NR3C2: variants seen among roughly 807,000 people sequenced by gnomAD.
NR3C2 encodes the protein mineralocorticoid receptor.
Under a neutral mutation model 86.4 loss-of-function variants are expected in NR3C2, and 15 were observed. The observed-to-expected ratio is 0.17, with a 90% CI of 0.12 to 0.27. The LOEUF (loss-of-function observed/expected upper bound fraction) is 0.27, where lower values mean the gene tolerates loss of function less well. Ranked by LOEUF, NR3C2 falls within the 10% of genes least tolerant of loss-of-function variation. The pLI, the probability that NR3C2 is intolerant of heterozygous loss-of-function variation, is 1.00. For missense variants in NR3C2, 960 were observed against 1,195.6 expected (o/e 0.80, Z 2.91); for synonymous variants, 458 against 450.5 (o/e 1.02, Z -0.21).
intron 2 of NR3C2, among the ~76,000 whole-genome samples, chr4:148,373,635 T>G (rs1271202543): frequency 1.3e-5 from 2 of 151,890 alleles, no homozygotes; most frequent in East Asian, 3.9e-4. Flanking sequence ...CCACCATGCC[T>G]GGCTAATTTT....
intron 2 of NR3C2, among the ~76,000 whole-genome samples, chr4:148,420,417 T>C (rs1231076924): frequency 6.6e-6 from 1 of 152,216 alleles, no homozygotes; most frequent in Non-Finnish European, 1.5e-5. Flanking sequence ...CTAATCATAT[T>C]ACATTCACTT....
intron 2 of NR3C2, among the ~76,000 whole-genome samples, chr4:148,390,562 T>C (rs1394254797): frequency 1.3e-5 from 2 of 152,204 alleles, no homozygotes; most frequent in Non-Finnish European, 2.9e-5. Flanking sequence ...CTACGGGCAC[T>C]GTGTGAATGA....
chr4:148,395,998 C>T (rs1172466787), intron 2 of NR3C2, among the ~76,000 whole-genome samples: 1 of 152,170 alleles, frequency 6.6e-6, no homozygotes, highest in East Asian at 1.9e-4. Flanking sequence ...ACAAAAGCAA[C>T]TAAGCTCCCA....
chr4:148,274,822 T>C (rs929791538), intron 2 of NR3C2, among the ~76,000 whole-genome samples: 3 of 151,392 alleles, frequency 2.0e-5, no homozygotes, highest in Admixed American at 2.0e-4. Context: ...CTCAGCTTCC[T>C]GAGAAGGTGG....
Position 148,222,074 on chromosome 4 carries a change from T to G in NR3C2, c.1898-27212A>C, listed in dbSNP as rs183838734. 2.3e-3 allele frequency among the ~76,000 whole-genome samples: 353 copies of G among 152,130 alleles called. 3 individuals carry two copies. Among genetic ancestry groups the G allele is most frequent in the African/African-American group, 7.9e-3 (328 of 41,518 alleles). ...TATCTGGTACATAATAAGCAATAAT[T>G]AAGTGTTAATTATTACTATGACTGT... On this transcript the variant is annotated intron_variant, in intron 3 of 8. Coordinates refer to ENST00000358102, the MANE Select transcript of NR3C2 (RefSeq NM_000901.5).
chr4:148,370,283 A>G (rs1185654855), intron 2 of NR3C2, among the ~76,000 whole-genome samples: 2 of 152,224 alleles, frequency 1.3e-5, no homozygotes, highest in East Asian at 3.8e-4. Flanking sequence ...AGTGTTCAGA[A>G]GGCAAATTTT....
At chr4:148,216,633 C>G (rs985084674) in intron 3 of NR3C2, among the ~76,000 whole-genome samples, 1 of 152,140 alleles carries the variant, frequency 6.6e-6, no homozygotes, top group African/African-American at 2.4e-5. Context: ...TTATTAAATC[C>G]TTTCAATTTA....
chr4:148,116,204 A>G (rs1732266632), intron 7 of NR3C2, among the ~76,000 whole-genome samples: 1 of 152,222 alleles, frequency 6.6e-6, no homozygotes, highest in Admixed American at 6.5e-5. Context: ...TGGTACATCT[A>G]AGATTAACCA....
chr4:148,209,679 A>G (rs1737187524), intron 3 of NR3C2, among the ~76,000 whole-genome samples: 1 of 152,174 alleles, frequency 6.6e-6, no homozygotes, highest in African/African-American at 2.4e-5. Context: ...TTGATTTTAG[A>G]GTCCTATATA....
chr4:148,416,652 AC>A (rs1335338209), intron 2 of NR3C2, among the ~76,000 whole-genome samples: 1 of 152,202 alleles, frequency 6.6e-6, no homozygotes, highest in Non-Finnish European at 1.5e-5. Context: ...CTCCCTATCC[AC>A]CATTTGCTTT....
At chr4:148,203,995 T>C (rs1327584786) in intron 3 of NR3C2, among the ~76,000 whole-genome samples, 2 of 151,732 alleles carry the variant, frequency 1.3e-5, no homozygotes, top group Non-Finnish European at 2.9e-5. Flanking sequence ...ATTAGCATTA[T>C]TTTTTTTTCC....
intron 2 of NR3C2, among the ~76,000 whole-genome samples, chr4:148,390,221 AC>A (rs1747474197): frequency 1.3e-5 from 2 of 150,812 alleles, no homozygotes; most frequent in African/African-American, 2.4e-5. Context: ...ATGATCAGGA[AC>A]CCTTCAAGTA....
intron 2 of NR3C2, among the ~76,000 whole-genome samples, chr4:148,353,195 C>A (rs1745382861): frequency 6.6e-6 from 1 of 151,988 alleles, no homozygotes; most frequent in African/African-American, 2.4e-5. Flanking sequence ...TTATAGCCTG[C>A]TTTATTCTAA....
intron 2 of NR3C2, among the ~76,000 whole-genome samples, chr4:148,292,618 C>G (rs984307771): frequency 1.3e-5 from 2 of 152,182 alleles, no homozygotes; most frequent in East Asian, 3.9e-4. Flanking sequence ...ACAATCCATT[C>G]CATGTTGGTG....
intron 3 of NR3C2, among the ~76,000 whole-genome samples, chr4:148,233,977 C>T (rs1335386484): frequency 2.0e-5 from 3 of 152,140 alleles, no homozygotes; most frequent in Non-Finnish European, 4.4e-5. Flanking sequence ...CACAAACCTT[C>T]AATCTGAAAT....
chr4:148,397,854 T>C (rs1213319754), intron 2 of NR3C2, among the ~76,000 whole-genome samples: 3 of 152,300 alleles, frequency 2.0e-5, no homozygotes, highest in East Asian at 1.9e-4. Context: ...TAAAGTACCA[T>C]ACACGCATTT....
At chr4:148,387,576 C>G (rs1274345533) in intron 2 of NR3C2, among the ~76,000 whole-genome samples, 1 of 152,190 alleles carries the variant, frequency 6.6e-6, no homozygotes, top group Non-Finnish European at 1.5e-5. Flanking sequence ...AGACCAAGCA[C>G]TGACTGAATG....
At position 148,394,995 on chromosome 4, in the gene NR3C2, C is replaced by T. The variant is rs993636433; in HGVS notation, c.1757+40109G>A. ...GCAGAATGTAGTGGGGGAAACAGTC[C>T]AGGATTTGGTGGGTTGGAAATAAAC... On this transcript the variant is annotated intron_variant, in intron 2 of 8. Transcript: ENST00000358102. 2.0e-5 allele frequency among the ~76,000 whole-genome samples: 3 copies of T among 151,904 alleles called. No individual in the cohort carries two copies. In the South Asian group the frequency reaches 6.2e-4, roughly 32 times the overall value.
In NR3C2 at chr4:148,172,359, G is replaced by A. The variant is rs1578969921; in HGVS notation, c.2015-17458C>T. ...GTTCAAACAGTACTTAGAATTCCTC[G>A]CCAAGGACTGAAGAGATATAAGCCT... On this transcript the variant is annotated intron_variant, in intron 4 of 8. Coordinates refer to ENST00000358102, the MANE Select transcript of NR3C2 (RefSeq NM_000901.5). Among the ~76,000 whole-genome samples the A allele has an allele frequency of 2.6e-5, 4 of 152,148 alleles. 1 individual carries two copies. The highest frequency in any genetic ancestry group is 6.5e-5 in the Admixed American group (1 of 15,276).
Sources: allele counts gnomAD v4.1 joint callset (sites outside exome capture counted in the v4.1 genomes callset), GRCh38; gene constraint gnomAD v4.1.1; transcripts MANE v1.5; gene names NCBI Gene and HGNC (gene_info 2026-07-23, HGNC 2026-07-21).